CDH23: variants seen among roughly 807,000 people sequenced by gnomAD.
The protein encoded by CDH23 is cadherin-23.
Under a neutral mutation model 317.1 loss-of-function variants are expected in CDH23, and 189 were observed. The observed-to-expected ratio is 0.60, with a 90% confidence interval of 0.53 to 0.67. The LOEUF (loss-of-function observed/expected upper bound fraction) is 0.67. Ranked by LOEUF, CDH23 falls within the 30% of genes least tolerant of loss-of-function variation. CDH23 has a pLI of 0.00. For missense variants in CDH23, 4,401 were observed against 4,592.4 expected, an observed-to-expected ratio of 0.96 and a Z score of 1.20; for synonymous variants, 1,839 against 1,876.8, an observed-to-expected ratio of 0.98 and a Z score of 0.52.
chr10:71,548,934 TG>T (rs1452536058), intron 6 of CDH23, among the ~76,000 whole-genome samples: 6 of 152,332 alleles, frequency 3.9e-5, no homozygotes, highest in Admixed American at 3.3e-4. Flanking sequence ...CGATAGCTCA[TG>T]AGACAGAGAC....
At chr10:71,559,889 T>C (rs1857043244) in intron 6 of CDH23, among the ~76,000 whole-genome samples, 2 of 152,226 alleles carry the variant, frequency 1.3e-5, no homozygotes, top group South Asian at 4.1e-4. Context: ...GGAGTATGGG[T>C]ACACATGGGT....
At chr10:71,473,298 C>T (rs1207108415) in intron 3 of CDH23, among the ~76,000 whole-genome samples, 1 of 152,198 alleles carries the variant, frequency 6.6e-6, no homozygotes, top group Non-Finnish European at 1.5e-5. Context: ...TTCTCCACAG[C>T]ATCAAGTGGA....
At chr10:71,800,811 A>G (rs1841537432) in intron 53 of CDH23, 56 bp downstream of exon 53, 1 of 1,594,740 alleles carries the variant, frequency 6.3e-7, no homozygotes, top group Admixed American at 1.8e-5. Context: ...TGGAGGCAAC[A>G]AGCAAAGCCT....
At chr10:71,521,488 T>C (rs1169491396) in intron 6 of CDH23, among the ~76,000 whole-genome samples, 1 of 152,194 alleles carries the variant, frequency 6.6e-6, no homozygotes, top group Non-Finnish European at 1.5e-5. Flanking sequence ...CTGTCATTCC[T>C]ATCCCAATAC....
intron 38 of CDH23, among the ~76,000 whole-genome samples, chr10:71,767,582 G>A (rs992254458): frequency 6.6e-6 from 1 of 152,194 alleles, no homozygotes; most frequent in Non-Finnish European, 1.5e-5. Context: ...TGGGGCTGTA[G>A]GAAAAGACTA....
intron 1 of CDH23, among the ~76,000 whole-genome samples, chr10:71,404,228 A>G (rs1847991632): frequency 6.6e-6 from 1 of 152,206 alleles, no homozygotes. Context: ...GATACAGAAC[A>G]TCTCCAGTGC....
chr10:71,446,488 T>C, intron 3 of CDH23, 93 bp downstream of exon 3: 1 of 1,293,982 alleles, frequency 7.7e-7, no homozygotes, highest in Non-Finnish European at 1.1e-6. Flanking sequence ...GAGGTCATCT[T>C]CCACCTGATT....
chr10:71,803,982 CAAAAA>C (rs35814351), intron 55 of CDH23, among the ~76,000 whole-genome samples: 5 of 130,680 alleles, frequency 3.8e-5, no homozygotes, highest in Non-Finnish European at 3.3e-5. Flanking sequence ...GAGACTTTGT[CAAAAA>C]AAAAAAAAAA....
At chr10:71,616,051 A>C (rs1179040078) in intron 10 of CDH23, among the ~76,000 whole-genome samples, 1 of 152,230 alleles carries the variant, frequency 6.6e-6, no homozygotes, top group Non-Finnish European at 1.5e-5. Flanking sequence ...AGCAGGGAGC[A>C]ATGCAACAGC....
At chr10:71,731,014 C>T (rs559926763) in intron 31 of CDH23, among the ~76,000 whole-genome samples, 1 of 152,378 alleles carries the variant, frequency 6.6e-6, no homozygotes, top group African/African-American at 2.4e-5. Flanking sequence ...GGGCCTAGCA[C>T]ACGCAGACCC....
At chr10:71,791,373 G>T in intron 47 of CDH23, 38 bp downstream of exon 47, 1 of 1,576,938 alleles carries the variant, frequency 6.3e-7, no homozygotes, top group Non-Finnish European at 8.6e-7. Context: ...CACAACCAGG[G>T]GCCGGTTGGT....
chr10:71,616,846 A>C (rs1861214818), intron 10 of CDH23, among the ~76,000 whole-genome samples: 1 of 152,198 alleles, frequency 6.6e-6, no homozygotes, highest in African/African-American at 2.4e-5. Flanking sequence ...TCAGTTTCAC[A>C]ATCTGCCAAA....
In CDH23 at chr10:71,507,413, C is replaced by T. The variant is rs1295432860; in HGVS notation, c.146-2669C>T. Among the ~76,000 whole-genome samples the T allele has an allele frequency of 2.0e-5, 3 of 152,138 alleles. No individual in the cohort carries two copies. The South Asian group carries it at 6.2e-4, about 31-fold the overall frequency. ...TAAATTAAACATAAATAAATTAGGCCGGACATGGTGGCTCGCACCTGTAAT... is the reference window on the plus strand; with the variant it reads ...TAAATTAAACATAAATAAATTAGGCTGGACATGGTGGCTCGCACCTGTAAT... On this transcript the variant is annotated intron_variant, in intron 3 of 69. Coordinates refer to ENST00000224721, the MANE Select transcript of CDH23 (RefSeq NM_022124.6).
chr10:71,415,925 A>G (rs1848515436), intron 1 of CDH23, among the ~76,000 whole-genome samples: 1 of 152,214 alleles, frequency 6.6e-6, no homozygotes, highest in Non-Finnish European at 1.5e-5. Flanking sequence ...GGGAATTTTT[A>G]TAAATATTTT....
At chr10:71,738,833 G>A (rs563848041) in intron 35 of CDH23, among the ~76,000 whole-genome samples, 186 bp downstream of exon 35, 104 of 152,374 alleles carry the variant, frequency 6.8e-4, no homozygotes, top group Non-Finnish European at 1.2e-3. Context: ...TATGCAGGCC[G>A]GTGGCCCTGC....
intron 11 of CDH23, among the ~76,000 whole-genome samples, chr10:71,642,532 G>C (rs1469238552): frequency 6.6e-6 from 1 of 151,624 alleles, no homozygotes; most frequent in Admixed American, 6.6e-5. Context: ...CCGAGTAGCT[G>C]GGATTACAGG....
intron 19 of CDH23, among the ~76,000 whole-genome samples, chr10:71,688,751 G>A (rs1865025745): frequency 1.4e-5 from 2 of 142,008 alleles, no homozygotes; most frequent in South Asian, 2.3e-4. Flanking sequence ...TGGAGCCAGG[G>A]GTGGTGGAGC....
At chr10:71,505,038 A>G (rs1034272974) in intron 3 of CDH23, among the ~76,000 whole-genome samples, 5 of 152,218 alleles carry the variant, frequency 3.3e-5, no homozygotes, top group African/African-American at 9.6e-5. Flanking sequence ...AGTAGTTCCA[A>G]TGTACCGTCT....
intron 66 of CDH23, 181 bp downstream of exon 66, chr10:71,812,196 G>A: frequency 6.3e-7 from 1 of 1,583,642 alleles, no homozygotes; most frequent in Non-Finnish European, 8.6e-7. Context: ...GCTGACAGGG[G>A]CTCTCCACCC....
Sources: gnomAD v4.1 joint callset for allele counts (sites outside exome capture counted in the v4.1 genomes callset) on GRCh38, gnomAD v4.1.1 for gene constraint, MANE v1.5 for transcripts, NCBI Gene and HGNC (gene_info 2026-07-23, HGNC 2026-07-21) for gene names.